Variants in PTPRT observed in about 807,000 individuals in gnomAD.
PTPRT encodes receptor-type tyrosine-protein phosphatase T.
In PTPRT, 56 loss-of-function variants were observed where a neutral mutation model predicts 176.8. The ratio of observed to expected loss-of-function variants is 0.32; its 90% CI spans 0.26 to 0.40. PTPRT has a LOEUF of 0.40. PTPRT is among the 10% of genes least tolerant of loss of function. PTPRT has a pLI of 1.00. For synonymous variants in PTPRT, 783 were observed against 739.0 expected, an observed-to-expected ratio of 1.06 and a Z score of -0.96; for missense variants, 1,540 against 1,908.2, an observed-to-expected ratio of 0.81 and a Z score of 3.60.
At chr20:42,310,313 G>A (rs1398439296) in intron 12 of PTPRT, among the ~76,000 whole-genome samples, 1 of 152,068 alleles carries the variant, frequency 6.6e-6, no homozygotes, top group Admixed American at 6.6e-5. Context: ...CAGAAATTAT[G>A]CCATGTGAAA....
intron 2 of PTPRT, among the ~76,000 whole-genome samples, chr20:42,827,983 T>G (rs1170173233): frequency 6.6e-6 from 1 of 152,106 alleles, no homozygotes; most frequent in Non-Finnish European, 1.5e-5. Context: ...TTGATACCAG[T>G]AGAGTAGGGT....
chr20:42,880,015 G>A (rs1403160351), intron 2 of PTPRT, among the ~76,000 whole-genome samples: 1 of 152,178 alleles, frequency 6.6e-6, no homozygotes, highest in Non-Finnish European at 1.5e-5. Flanking sequence ...TGAAGGCTAA[G>A]ATGGTGAGGA....
chr20:42,770,382 T>C (rs1397844519), intron 5 of PTPRT, among the ~76,000 whole-genome samples: 1 of 152,234 alleles, frequency 6.6e-6, no homozygotes, highest in African/African-American at 2.4e-5. Flanking sequence ...CCAACTTCTG[T>C]GCTGCCCCAA....
chr20:43,166,219 C>T (rs932093883), intron 1 of PTPRT, among the ~76,000 whole-genome samples: 3 of 151,390 alleles, frequency 2.0e-5, no homozygotes, highest in Admixed American at 6.6e-5. Flanking sequence ...CCCAGCTACT[C>T]GGGAGGCTGA....
At chr20:42,187,869 T>C (rs1361623891) in intron 16 of PTPRT, among the ~76,000 whole-genome samples, 1 of 152,232 alleles carries the variant, frequency 6.6e-6, no homozygotes, top group Non-Finnish European at 1.5e-5. Context: ...GGTCCTCCTA[T>C]ATGTAAGTCT....
intron 27 of PTPRT, 113 bp from the exon 28 acceptor site, chr20:42,085,966 A>G: frequency 8.8e-7 from 1 of 1,139,088 alleles, no homozygotes; most frequent in Non-Finnish European, 1.2e-6. Context: ...TTTTTTTTTG[A>G]GATGGAGCAT....
chr20:42,931,546 C>T lies in PTPRT; in HGVS notation c.89-45614G>A, dbSNP rs566519679. Among the ~76,000 whole-genome samples the T allele has an allele frequency of 7.9e-5, 12 of 152,266 alleles. No individual in the cohort carries two copies. In the South Asian group the frequency reaches 2.3e-3, roughly 29 times the overall value. On this transcript the variant is annotated intron_variant, in intron 1 of 30. Transcript: ENST00000373187. ...TGGCTCAGAAGAGAAGTGGAGCCTA[C>T]GTGGGCAGAGGGTAAGGAGATGGTT... is the stretch of plus-strand genomic sequence containing the variant.
intron 17 of PTPRT, among the ~76,000 whole-genome samples, chr20:42,160,707 A>G (rs767410295): frequency 1.9e-4 from 29 of 152,196 alleles, no homozygotes; most frequent in Non-Finnish European, 3.7e-4. Context: ...GTCCTTCTCT[A>G]TTATTCCCCA....
the PTPRT span, among the ~76,000 whole-genome samples, chr20:42,062,396 A>G: frequency 1.3e-5 from 2 of 152,206 alleles, no homozygotes; most frequent in Non-Finnish European, 2.9e-5. Context: ...CCACTGGGGC[A>G]TCAGGAAGAA....
chr20:42,357,729 C>T (rs556748537), intron 9 of PTPRT, among the ~76,000 whole-genome samples: 10 of 152,092 alleles, frequency 6.6e-5, no homozygotes, highest in Non-Finnish European at 8.8e-5. Flanking sequence ...GGCAAAACAG[C>T]GAGACCCCAT....
intron 12 of PTPRT, among the ~76,000 whole-genome samples, chr20:42,292,901 G>A (rs2057338404): frequency 6.6e-6 from 1 of 152,222 alleles, no homozygotes; most frequent in Admixed American, 6.5e-5. Context: ...GGTAACAGAA[G>A]CAGTGGGGCA....
In PTPRT at chr20:42,981,125, G is replaced by A. The variant is rs144379426; in HGVS notation, c.89-95193C>T. ...TTTCAGGAGAGTTAAGTCCTGTCTC[G>A]ACCTGATTACAATGGTCTTGAATAA... On this transcript the variant is annotated intron_variant, in intron 1 of 30. Coordinates refer to ENST00000373187, the MANE Select transcript of PTPRT (RefSeq NM_007050.6). Among the ~76,000 whole-genome samples the A allele has an allele frequency of 5.0e-3, 767 of 152,226 alleles. 5 individuals are homozygous for A. The highest frequency in any genetic ancestry group is 0.017 in the Middle Eastern group (5 of 294).
intron 15 of PTPRT, among the ~76,000 whole-genome samples, chr20:42,221,590 G>A (rs1050980360): frequency 6.6e-6 from 1 of 151,132 alleles, no homozygotes; most frequent in Non-Finnish European, 1.5e-5. Context: ...GCAGCGGCAT[G>A]ATCTCCACTC....
the PTPRT span, among the ~76,000 whole-genome samples, chr20:42,041,227 C>T: frequency 2.6e-5 from 4 of 152,116 alleles, no homozygotes; most frequent in African/African-American, 9.7e-5. Flanking sequence ...GTTCTCTCTC[C>T]GGCCCTGTGA....
intron 14 of PTPRT, among the ~76,000 whole-genome samples, chr20:42,237,685 A>C (rs1474220398): frequency 6.6e-6 from 1 of 152,240 alleles, no homozygotes; most frequent in East Asian, 1.9e-4. Flanking sequence ...GCTTCTAAGC[A>C]ATCACAAAAC....
intron 1 of PTPRT, among the ~76,000 whole-genome samples, chr20:42,967,377 A>T (rs941369610): frequency 6.6e-6 from 1 of 152,168 alleles, no homozygotes; most frequent in African/African-American, 2.4e-5. Context: ...GTGTCCTTAT[A>T]AAAAACAGAA....
intron 1 of PTPRT, among the ~76,000 whole-genome samples, chr20:43,054,568 G>GAA (rs539616628): frequency 2.7e-4 from 32 of 119,644 alleles, no homozygotes; most frequent in South Asian, 6.0e-4. Context: ...AAAAGAAGGG[G>GAA]AAAAAAAAAA....
intron 2 of PTPRT, among the ~76,000 whole-genome samples, chr20:42,800,528 T>C (rs2077515537): frequency 6.6e-6 from 1 of 152,198 alleles, no homozygotes; most frequent in South Asian, 2.1e-4. Context: ...TCTGCAGCTC[T>C]AAATGGAAAT....
chr20:42,176,058 G>A (rs1432809568), intron 16 of PTPRT, among the ~76,000 whole-genome samples: 1 of 152,058 alleles, frequency 6.6e-6, no homozygotes, highest in Admixed American at 6.6e-5. Flanking sequence ...TTGAATAATA[G>A]TGAGATTAGT....
Sources: allele counts gnomAD v4.1 joint callset (sites outside exome capture counted in the v4.1 genomes callset), GRCh38; gene constraint gnomAD v4.1.1; transcripts MANE v1.5; gene names NCBI Gene and HGNC (gene_info 2026-07-23, HGNC 2026-07-21).